ANO6: variants seen among roughly 807,000 people sequenced by gnomAD.
The protein encoded by ANO6 is anoctamin 6, also known as anoctamin-6.
ANO6 carries 106 observed loss-of-function variants against 117.5 expected under a neutral mutation model. The ratio of observed to expected loss-of-function variants is 0.90; its 90% CI spans 0.77 to 1.06. The LOEUF (loss-of-function observed/expected upper bound fraction) is 1.06, where lower values mean the gene tolerates loss of function less well. Ranked by LOEUF, ANO6 falls within the 50% of genes least tolerant of loss-of-function variation. ANO6 has a pLI of 0.00. For synonymous variants in ANO6, 367 were observed against 385.1 expected, an observed-to-expected ratio of 0.95 and a Z score of 0.55; for missense variants, 955 against 1,121.1, an observed-to-expected ratio of 0.85 and a Z score of 2.12.
intron 1 of ANO6, among the ~76,000 whole-genome samples, chr12:45,218,119 T>A (rs1947343998): frequency 6.6e-6 from 1 of 151,898 alleles, no homozygotes; most frequent in Non-Finnish European, 1.5e-5. Context: ...GTAGATAGAC[T>A]TAAGAAAAAG....
chr12:45,361,093 T>C (rs1035730276), intron 8 of ANO6, among the ~76,000 whole-genome samples: 3 of 152,186 alleles, frequency 2.0e-5, no homozygotes, highest in African/African-American at 7.2e-5. Flanking sequence ...TTCTAGGATT[T>C]TGATAAGAAT....
chr12:45,234,569 T>C (rs1306563118), intron 1 of ANO6, among the ~76,000 whole-genome samples: 2 of 152,216 alleles, frequency 1.3e-5, no homozygotes, highest in Non-Finnish European at 2.9e-5. Context: ...AGGCCCCTTT[T>C]CCAAGTTCCC....
intron 1 of ANO6, among the ~76,000 whole-genome samples, chr12:45,295,665 A>C (rs188460264): frequency 1.5e-3 from 223 of 152,040 alleles, no homozygotes; most frequent in Non-Finnish European, 2.5e-3. Flanking sequence ...GGGTCAAGCA[A>C]TTCTCCTGCC....
intron 12 of ANO6, among the ~76,000 whole-genome samples, chr12:45,400,568 C>T (rs1487694422): frequency 6.6e-6 from 1 of 152,226 alleles, no homozygotes; most frequent in Non-Finnish European, 1.5e-5. Flanking sequence ...TGGTGCTTTT[C>T]ATGTATCTGA....
chr12:45,224,007 T>G (rs1947444368), intron 1 of ANO6, among the ~76,000 whole-genome samples: 1 of 152,216 alleles, frequency 6.6e-6, no homozygotes, highest in Non-Finnish European at 1.5e-5. Context: ...TTATCTGTTC[T>G]AAAAATGCTG....
chr12:45,252,483 G>T (rs2052603), intron 1 of ANO6, among the ~76,000 whole-genome samples: 25,391 of 152,010 alleles, frequency 0.17, 3,284 homozygotes, highest in East Asian at 0.36. Flanking sequence ...GTCTAGGTGG[G>T]TTTTTTTGTT....
chr12:45,305,359 G>A (rs976469205), intron 2 of ANO6, among the ~76,000 whole-genome samples: 18 of 152,248 alleles, frequency 1.2e-4, no homozygotes, highest in South Asian at 4.1e-4. Context: ...TTTATAACTC[G>A]TTTCATTAAC....
At chr12:45,333,346 T>C (rs1188966530) in intron 3 of ANO6, among the ~76,000 whole-genome samples, 1 of 152,060 alleles carries the variant, frequency 6.6e-6, no homozygotes, top group Non-Finnish European at 1.5e-5. Context: ...CACTAAGATA[T>C]TTTATGCAGT....
intron 3 of ANO6, among the ~76,000 whole-genome samples, chr12:45,337,755 C>G (rs1353192222): frequency 6.6e-6 from 1 of 151,932 alleles, no homozygotes; most frequent in Non-Finnish European, 1.5e-5. Flanking sequence ...ATAATATATT[C>G]TTGAAAACTG....
At chr12:45,371,483 A>G (rs1056774325) in intron 9 of ANO6, among the ~76,000 whole-genome samples, 1 of 151,922 alleles carries the variant, frequency 6.6e-6, no homozygotes, top group Admixed American at 6.6e-5. Context: ...TGAAGAGAGC[A>G]GTGGTTCTCC....
At chr12:45,406,656 G>A (rs1328094689) in intron 15 of ANO6, among the ~76,000 whole-genome samples, 1 of 152,142 alleles carries the variant, frequency 6.6e-6, no homozygotes, top group Non-Finnish European at 1.5e-5. Flanking sequence ...TTGGAGAGAA[G>A]ATGAGCTATA....
rs1316777 is a variant in ANO6 at position 45,346,941 on chromosome 12, T to C, written c.280-81T>C. ...CAGGTCCACGCTAGTTTGATTTTGT[T>C]ATTAATATTGTTTTAAAAAATGCCT... On this transcript the variant is annotated intron_variant, in intron 3 of 19. Coordinates refer to ENST00000320560, the MANE Select transcript of ANO6 (RefSeq NM_001025356.3). 7.6e-3 allele frequency: 9,789 copies of C among 1,293,562 alleles called. 452 individuals carry two copies. The African/African-American group carries it at 0.11, about 15-fold the overall frequency. The allele number at this position is 1,293,562 out of a possible 1,614,324, so 80.1% of individuals were successfully genotyped here.
chr12:45,374,159 G>T (rs1941934026), intron 9 of ANO6, among the ~76,000 whole-genome samples: 2 of 140,886 alleles, frequency 1.4e-5, no homozygotes, highest in African/African-American at 2.7e-5. Context: ...CCAGGAAGAA[G>T]TTGAATCTCT....
intron 12 of ANO6, among the ~76,000 whole-genome samples, chr12:45,393,587 G>A (rs537182519): frequency 6.6e-6 from 1 of 152,302 alleles, no homozygotes; most frequent in African/African-American, 2.4e-5. Context: ...GTTAAGGGCA[G>A]CCAGAGAGAA....
Position 45,285,615 on chromosome 12 carries a change from G to A in ANO6, c.71-16399G>A, listed in dbSNP as rs575599358. Among the ~76,000 whole-genome samples, 10 of 152,120 alleles carry A rather than the reference G, an allele frequency of 6.6e-5. No individual in the cohort carries two copies. In the South Asian group the frequency reaches 2.1e-3, roughly 32 times the overall value. ...GTTGTGCTACGCACCTGTAGTCCCA[G>A]CTACTCAGGAGGCTGAGGCAGGAGA... On this transcript the variant is annotated intron_variant, in intron 1 of 19. Coordinates refer to ENST00000320560, the MANE Select transcript of ANO6 (RefSeq NM_001025356.3).
chr12:45,299,632 C>A (rs1272018882), intron 1 of ANO6, among the ~76,000 whole-genome samples: 1 of 152,068 alleles, frequency 6.6e-6, no homozygotes, highest in Admixed American at 6.6e-5. Flanking sequence ...GCAGGCAGAT[C>A]ATGAGGTCAG....
intron 1 of ANO6, among the ~76,000 whole-genome samples, chr12:45,286,271 A>ACTAT (rs1302022530): frequency 6.6e-6 from 1 of 152,144 alleles, no homozygotes; most frequent in Admixed American, 6.5e-5. Flanking sequence ...AGTAGCTGAG[A>ACTAT]CTATAGGTGA....
chr12:45,430,660 T>TG lies in ANO6; in HGVS notation c.*1351dup. 1.0e-6 allele frequency: 1 copy of TG among 985,454 alleles called. No homozygotes were observed. The highest frequency in any genetic ancestry group is 1.2e-6 in the Non-Finnish European group (1 of 829,944). The allele number at this position is 985,454 out of a possible 1,614,324, so 61.0% of individuals were successfully genotyped here. On this transcript the variant is annotated 3_prime_UTR_variant, in exon 20 of 20. Transcript: ENST00000320560. Reference sequence around the variant, plus strand: ...TTAAGAGTAATAAAGGAAAAGGGTTTGGTCACAAACCCTACCATTATCTGG... The same window carrying TG: ...TTAAGAGTAATAAAGGAAAAGGGTTTGGGTCACAAACCCTACCATTATCTGG...
chr12:45,402,967 T>A, intron 13 of ANO6, 105 bp from the exon 14 acceptor site: 1 of 1,086,576 alleles, frequency 9.2e-7, no homozygotes, highest in Non-Finnish European at 1.4e-6. Context: ...TGAATTGTAT[T>A]TTTTTAACGT....
Sources: allele counts gnomAD v4.1 joint callset (sites outside exome capture counted in the v4.1 genomes callset), GRCh38; gene constraint gnomAD v4.1.1; transcripts MANE v1.5; gene names NCBI Gene and HGNC (gene_info 2026-07-23, HGNC 2026-07-21).